Variants in FNBP1L observed in about 807,000 individuals in gnomAD.
FNBP1L encodes formin binding protein 1 like, also known as formin-binding protein 1-like.
A neutral mutation model predicts 91.2 loss-of-function variants in FNBP1L; 36 were observed. The observed-to-expected ratio is 0.39, with a 90% CI of 0.30 to 0.52. The LOEUF is 0.52. FNBP1L is among the 20% of genes least tolerant of loss of function. The pLI is 0.66. For synonymous variants in FNBP1L, 242 were observed against 237.0 expected (o/e 1.02, Z -0.19); for missense variants, 571 against 732.1 (o/e 0.78, Z 2.54).
In FNBP1L at chr1:93,499,150, A is replaced by G. The variant is rs942691794; in HGVS notation, c.25-318A>G. On this transcript the variant is annotated intron_variant, in intron 1 of 16. Transcript: ENST00000271234. The stretch of plus-strand genomic sequence containing the variant: ...AGTTTAGGACCATTTTCTGGCAGAC[A>G]TAATGCCTGAACAGAATCTCAAAGG... Among the ~76,000 whole-genome samples the G allele has an allele frequency of 7.2e-5, 11 of 152,292 alleles. 2 individuals are homozygous for G. The highest frequency in any genetic ancestry group is 3.9e-4 in the Admixed American group (6 of 15,294).
chr1:93,465,905 G>A (rs893068336), intron 1 of FNBP1L, among the ~76,000 whole-genome samples: 14 of 152,174 alleles, frequency 9.2e-5, no homozygotes, highest in East Asian at 1.9e-4. Flanking sequence ...TCCAAATGGC[G>A]TGAGATAGTA....
At chr1:93,541,501 T>C (rs1346758542) in intron 11 of FNBP1L, among the ~76,000 whole-genome samples, 3 of 151,680 alleles carry the variant, frequency 2.0e-5, no homozygotes, top group African/African-American at 7.3e-5. Context: ...CTAGTATCAT[T>C]ATGGAGTTAG....
At chr1:93,513,858 A>T (rs139065295) in intron 2 of FNBP1L, among the ~76,000 whole-genome samples, 72,077 of 151,878 alleles carry the variant, frequency 0.47, 20,482 homozygotes, top group Non-Finnish European at 0.61. Context: ...GAAAACTGGC[A>T]CAAGACAGGG....
At chr1:93,474,064 G>A (rs754399057) in intron 1 of FNBP1L, among the ~76,000 whole-genome samples, 1 of 152,118 alleles carries the variant, frequency 6.6e-6, no homozygotes, top group Non-Finnish European at 1.5e-5. Flanking sequence ...GGCCAACATC[G>A]TGAAACGCCA....
chr1:93,485,288 A>G (rs544634833), intron 1 of FNBP1L, among the ~76,000 whole-genome samples: 1 of 152,324 alleles, frequency 6.6e-6, no homozygotes, highest in Admixed American at 6.5e-5. Flanking sequence ...CACAACAGAT[A>G]TGCTCTGATA....
At chr1:93,487,184 T>C (rs1178704523) in intron 1 of FNBP1L, among the ~76,000 whole-genome samples, 2 of 152,244 alleles carry the variant, frequency 1.3e-5, no homozygotes, top group African/African-American at 4.8e-5. Flanking sequence ...TTTCTCCTCC[T>C]TGAAATAATA....
intron 11 of FNBP1L, among the ~76,000 whole-genome samples, chr1:93,542,022 T>C (rs967458590): frequency 2.6e-5 from 4 of 152,102 alleles, no homozygotes; most frequent in Non-Finnish European, 5.9e-5. Context: ...CTCCACAGTA[T>C]GTTGAAATGC....
At chr1:93,489,195 G>A (rs554743288) in intron 1 of FNBP1L, among the ~76,000 whole-genome samples, 2 of 152,154 alleles carry the variant, frequency 1.3e-5, no homozygotes, top group Non-Finnish European at 2.9e-5. Flanking sequence ...AAGCTAGAGA[G>A]GGGCAAGGAC....
chr1:93,480,098 T>C (rs1669641104), intron 1 of FNBP1L, among the ~76,000 whole-genome samples: 2 of 152,228 alleles, frequency 1.3e-5, no homozygotes, highest in African/African-American at 4.8e-5. Flanking sequence ...TTTATGTTCC[T>C]CTGCCGCGGC....
chr1:93,456,538 G>T lies in FNBP1L; in HGVS notation c.24+8233G>T, dbSNP rs1363036173. Among the ~76,000 whole-genome samples the T allele has an allele frequency of 3.3e-5, 5 of 151,214 alleles. No homozygotes were observed. The East Asian group carries it at 5.9e-4, about 18-fold the overall frequency. On this transcript the variant is annotated intron_variant, in intron 1 of 16. Coordinates refer to ENST00000271234, the MANE Select transcript of FNBP1L (RefSeq NM_001164473.3). ...TAATTCCAGCACTTTGGGAGACCAGGGTGGGTGGAGCTCTTGAACCCAGAG... is the reference window on the plus strand; with the variant it reads ...TAATTCCAGCACTTTGGGAGACCAGTGTGGGTGGAGCTCTTGAACCCAGAG...
intron 1 of FNBP1L, among the ~76,000 whole-genome samples, chr1:93,499,058 A>G (rs1670359197): frequency 6.6e-6 from 1 of 152,188 alleles, no homozygotes; most frequent in African/African-American, 2.4e-5. Flanking sequence ...TCTGGCCCTC[A>G]ATATAGTATA....
chr1:93,486,045 T>C (rs975273454), intron 1 of FNBP1L, among the ~76,000 whole-genome samples: 1 of 152,216 alleles, frequency 6.6e-6, no homozygotes, highest in African/African-American at 2.4e-5. Context: ...ATTGTGTAAT[T>C]ACTCCAGTTT....
intron 2 of FNBP1L, among the ~76,000 whole-genome samples, chr1:93,500,553 G>A (rs892942118): frequency 6.7e-6 from 1 of 149,474 alleles, no homozygotes; most frequent in African/African-American, 2.6e-5. Flanking sequence ...CTTTTCTCCA[G>A]AAATACTAGC....
chr1:93,458,000 C>G (rs1163254701), intron 1 of FNBP1L, among the ~76,000 whole-genome samples: 5 of 152,052 alleles, frequency 3.3e-5, no homozygotes, highest in Non-Finnish European at 7.4e-5. Context: ...ACCGTGCTAA[C>G]CAGGATGGTC....
chr1:93,551,093 A>C lies in FNBP1L; in HGVS notation c.1798A>C (p.Lys600Gln). Residue 600 changes from lysine (K) to glutamine (Q), a missense_variant, in exon 16 of 17, where the codon AAA becomes CAA. Physicochemically the swap from Lys to Gln is moderately conservative, Grantham distance 53 (BLOSUM62 1). This residue lies in a region of FNBP1L where 189 missense variants were observed against 219.7 expected (regional missense o/e 0.86). Transcript: ENST00000271234. The stretch of plus-strand genomic sequence containing the variant: ...GTCATACATAGATGTAACTCTAGAG[A>C]AAAACAGTAAAGGTGCAGTAACTTA... ...PTSYIDVTLE[K>Q]NSKGS 1 of 1,607,808 alleles carries C rather than the reference A, an allele frequency of 6.2e-7. No individual in the cohort carries two copies. Among genetic ancestry groups the C allele is most frequent in the South Asian group, 1.1e-5 (1 of 90,154 alleles).
intron 1 of FNBP1L, among the ~76,000 whole-genome samples, chr1:93,460,368 T>A (rs1668821138): frequency 6.6e-6 from 1 of 152,174 alleles, no homozygotes; most frequent in African/African-American, 2.4e-5. Flanking sequence ...ATTTTGGACT[T>A]CCCAACCTCC....
intron 2 of FNBP1L, among the ~76,000 whole-genome samples, chr1:93,520,301 CAG>C (rs1671280416): frequency 6.6e-6 from 1 of 152,144 alleles, no homozygotes; most frequent in Admixed American, 6.5e-5. Flanking sequence ...ATAATTAAGA[CAG>C]TGATTCTTTT....
Position 93,549,258 on chromosome 1 carries a change from G to C in FNBP1L, c.1503-20G>C. On this transcript the variant is annotated intron_variant, in intron 14 of 16. Transcript: ENST00000271234. ...CTCATGTTTATGATACTTGATCAGA[G>C]ATAATTTTTTGTTTTATAGTCCTGA... 5 of 1,589,434 alleles carry C rather than the reference G, an allele frequency of 3.1e-6. No homozygotes were observed. Among genetic ancestry groups the C allele is most frequent in the Non-Finnish European group, 4.3e-6 (5 of 1,170,116 alleles).
intron 2 of FNBP1L, among the ~76,000 whole-genome samples, chr1:93,500,883 G>C (rs372007962): frequency 1.4e-4 from 21 of 152,220 alleles, no homozygotes; most frequent in Middle Eastern, 3.4e-3. Flanking sequence ...TTTCCCTCCT[G>C]TTTGTTTAAA....
Sources: gnomAD v4.1 joint callset for allele counts (sites outside exome capture counted in the v4.1 genomes callset) on GRCh38, gnomAD v4.1.1 for gene constraint, gnomAD v4.1.1 regional missense constraint, MANE v1.5 for transcripts, NCBI Gene and HGNC (gene_info 2026-07-23, HGNC 2026-07-21) for gene names.